The following MTIF2 variants were observed in gnomAD, a reference collection of about 807,000 sequenced individuals.
The protein encoded by MTIF2 is mitochondrial translational initiation factor 2.
MTIF2 carries 71 observed loss-of-function variants against 83.5 expected under a neutral mutation model. That is an observed-to-expected ratio of 0.85 (90% CI 0.70 to 1.04). The LOEUF (loss-of-function observed/expected upper bound fraction) is 1.04, where lower values mean the gene tolerates loss of function less well. MTIF2 is among the 50% of genes least tolerant of loss of function. The pLI is 0.00. For missense variants in MTIF2, 957 were observed against 846.5 expected (o/e 1.13, Z -1.62); for synonymous variants, 319 against 287.1 (o/e 1.11, Z -1.12).
rs746793955 is a variant in MTIF2 at position 55,240,145 on chromosome 2, C to A, written c.1736G>T (p.Gly579Val). 2 of 1,613,608 alleles carry A rather than the reference C, an allele frequency of 1.2e-6. No individual in the cohort carries two copies. The highest frequency in any genetic ancestry group is 1.7e-6 in the Non-Finnish European group (2 of 1,179,738). ...TGCAGCTGACTGTTGGATAACATTGCCTGCATTCACATTAAAGCCATATAT... is the reference window on the plus strand; with the variant it reads ...TGCAGCTGACTGTTGGATAACATTGACTGCATTCACATTAAAGCCATATAT... ...GVIYGFNVNA[G>V]NVIQQSAAKK... The change falls in exon 14 of 16, where the codon GGC becomes GTC. Residue 579 changes from glycine (G) to valine (V), a missense_variant. By Grantham distance (109) the Gly-to-Val change is moderately radical. Transcript: ENST00000263629.
chr2:55,260,184 G>A (rs1006288404), intron 5 of MTIF2, among the ~76,000 whole-genome samples: 1 of 152,088 alleles, frequency 6.6e-6, no homozygotes, highest in African/African-American at 2.4e-5. Context: ...CGGATCACCT[G>A]AGGTCGGGAG....
intron 9 of MTIF2, among the ~76,000 whole-genome samples, chr2:55,248,980 T>C (rs1274991186): frequency 6.6e-6 from 1 of 152,068 alleles, no homozygotes; most frequent in Non-Finnish European, 1.5e-5. Context: ...TACAAAAAAA[T>C]TTAAAAATTA....
intron 10 of MTIF2, among the ~76,000 whole-genome samples, chr2:55,245,130 C>G (rs1331409940): frequency 5.3e-5 from 8 of 152,060 alleles, no homozygotes; most frequent in Non-Finnish European, 1.2e-4. Flanking sequence ...ATGAATGAAA[C>G]TCTAGAACAT....
At chr2:55,264,263 C>T (rs908009493) in intron 3 of MTIF2, among the ~76,000 whole-genome samples, 5 of 152,172 alleles carry the variant, frequency 3.3e-5, no homozygotes, top group African/African-American at 1.2e-4. Context: ...CTCACTCTAT[C>T]ATCCAGGCTG....
chr2:55,237,649 C>CTTTTTTTTT (rs536036933), intron 14 of MTIF2, among the ~76,000 whole-genome samples: 2,260 of 112,630 alleles, frequency 0.02, 3 homozygotes, highest in Middle Eastern at 0.032. Flanking sequence ...TTCTTTTTTT[C>CTTTTTTTTT]TTTTTTTTTT....
chr2:55,244,803 T>A (rs1676576902), intron 10 of MTIF2, among the ~76,000 whole-genome samples: 2 of 151,804 alleles, frequency 1.3e-5, no homozygotes. Context: ...TCCCAGTACT[T>A]TGGGAGGCCG....
intron 15 of MTIF2, among the ~76,000 whole-genome samples, 195 bp downstream of exon 15, chr2:55,237,093 G>C (rs1434228018): frequency 6.6e-6 from 1 of 152,150 alleles, no homozygotes; most frequent in Non-Finnish European, 1.5e-5. Context: ...CTCAGGACTT[G>C]AATGGGTAAA....
chr2:55,262,510 C>T lies in MTIF2; in HGVS notation c.220-83G>A. On this transcript the variant is annotated intron_variant, in intron 4 of 15. Coordinates refer to ENST00000263629, the MANE Select transcript of MTIF2 (RefSeq NM_002453.3). ...TAGATTTATTCTCAAATATCTACCA[C>T]AATCATAGCTACATTTCTTTCTTTT... The T allele has an allele frequency of 1.7e-5, 12 of 708,416 alleles. No individual in the cohort carries two copies. The South Asian group carries it at 2.1e-4, about 12-fold the overall frequency. The allele number at this position is 708,416 out of a possible 1,614,324, so 43.9% of individuals were successfully genotyped here. A position where few individuals can be genotyped will look rare whatever the true frequency, so the allele number is the denominator to read the frequency against.
intron 5 of MTIF2, 32 bp from the exon 6 acceptor site, chr2:55,254,857 C>A: frequency 7.3e-7 from 1 of 1,371,524 alleles, no homozygotes; most frequent in South Asian, 1.6e-5. Context: ...CTTTTAGGAT[C>A]ATTAATTAAA....
intron 6 of MTIF2, 115 bp from the exon 7 acceptor site, chr2:55,254,316 A>T: frequency 2.5e-6 from 3 of 1,180,550 alleles, no homozygotes; most frequent in Non-Finnish European, 3.5e-6. Context: ...CCCAATATTC[A>T]GTGTGGATTA....
In MTIF2 at chr2:55,236,609, C is replaced by A; in HGVS notation, c.*39G>T. Reference sequence around the variant, plus strand: ...GTAGTAGTGCATTTCTACCTTCAAACAAACAACACGTTGAGTTATTTACAT... The same window carrying A: ...GTAGTAGTGCATTTCTACCTTCAAAAAAACAACACGTTGAGTTATTTACAT... On this transcript the variant is annotated 3_prime_UTR_variant, in exon 16 of 16. Coordinates refer to ENST00000263629, the MANE Select transcript of MTIF2 (RefSeq NM_002453.3). 1 of 1,525,984 alleles carries A rather than the reference C, an allele frequency of 6.6e-7. No individual in the cohort carries two copies. 94.5% of individuals were successfully genotyped at this position (1,525,984 alleles called of 1,614,324 possible). A position where few individuals can be genotyped will look rare whatever the true frequency, so the allele number is the denominator to read the frequency against.
In MTIF2 at chr2:55,263,872, A is replaced by T; in HGVS notation, c.-7-7T>A. The T allele has an allele frequency of 7.1e-7, 1 of 1,400,784 alleles. No homozygotes were observed. The highest frequency in any genetic ancestry group is 1.5e-5 in the African/African-American group (1 of 67,658). The allele number at this position is 1,400,784 out of a possible 1,614,324, so 86.8% of individuals were successfully genotyped here. ...CTTCTGGTTCATGTTTCTCCTGGGG[A>T]AAAAAAAAAGGTTTTAAAATAATAT... On this transcript the variant is annotated splice_region_variant and splice_polypyrimidine_tract_variant and intron_variant, in intron 3 of 15. Coordinates refer to ENST00000263629, the MANE Select transcript of MTIF2 (RefSeq NM_002453.3).
intron 5 of MTIF2, among the ~76,000 whole-genome samples, chr2:55,256,649 C>T (rs373470119): frequency 2.0e-5 from 3 of 150,716 alleles, no homozygotes; most frequent in East Asian, 2.0e-4. Flanking sequence ...TGAAGTAAGC[C>T]GAGATCACGC....
chr2:55,243,421 A>G lies in MTIF2; in HGVS notation c.1559T>C (p.Ile520Thr), dbSNP rs747417399. 1.9e-6 allele frequency: 3 copies of G among 1,599,756 alleles called. No homozygotes were observed. The South Asian group carries it at 3.4e-5, about 18-fold the overall frequency. The change falls in exon 12 of 16, where the codon ATT becomes ACT. Residue 520 changes from isoleucine (I) to threonine (T), a missense_variant. By Grantham distance (89) the Ile-to-Thr change is moderately conservative. Around this residue, in one of 3 missense-constraint regions of MTIF2, gnomAD observed 733 missense variants for 648.7 expected, o/e 1.13. Coordinates refer to ENST00000263629, the MANE Select transcript of MTIF2 (RefSeq NM_002453.3). ...ERDSNVLSVI[I>T]KGDVDGSVEA... ...TAAAATCTTTAAAAAGATACCTTTA[A>G]TAATCACAGAAAGTACATTTGAATC...
rs759814747 is a variant in MTIF2 at position 55,246,349 on chromosome 2, T to C, written c.1094A>G (p.Asp365Gly). 1.9e-6 allele frequency: 3 copies of C among 1,613,496 alleles called. No homozygotes were observed. Among genetic ancestry groups the C allele is most frequent in the Non-Finnish European group, 2.5e-6 (3 of 1,179,732 alleles). ...TTAAGAGTCCTACCCTCTTCCTTTG[T>C]CTGTGAAAGACTCTATTACTGTTCC... The part of the protein sequence containing the change: ...VEGTVIESFT[D>G]KGRGLVTTAI... The change falls in exon 10 of 16, where the codon GAC becomes GGC. Residue 365 changes from aspartate to glycine, a missense_variant. Asp to Gly is a moderately conservative substitution (Grantham distance 94). This residue lies in a region of MTIF2 where 733 missense variants were observed against 648.7 expected (regional missense o/e 1.13). Coordinates refer to ENST00000263629, the MANE Select transcript of MTIF2 (RefSeq NM_002453.3).
At chr2:55,260,476 G>T (rs1191241503) in intron 5 of MTIF2, among the ~76,000 whole-genome samples, 1 of 150,788 alleles carries the variant, frequency 6.6e-6, no homozygotes, top group Non-Finnish European at 1.5e-5. Context: ...TGCACAAAAA[G>T]TAGTAACACT....
chr2:55,240,509 G>A (rs1573852672), intron 13 of MTIF2, among the ~76,000 whole-genome samples: 3 of 152,206 alleles, frequency 2.0e-5, no homozygotes, highest in African/African-American at 7.2e-5. Context: ...AACCCGGGAG[G>A]CGGAGGTTGC....
intron 7 of MTIF2, 28 bp downstream of exon 7, chr2:55,254,013 C>A (rs1369654821): frequency 6.2e-7 from 1 of 1,609,324 alleles, no homozygotes; most frequent in Non-Finnish European, 8.5e-7. Flanking sequence ...GGTTCCCAAG[C>A]ACATTGTAAG....
chr2:55,241,145 C>T (rs1174510502), intron 13 of MTIF2, among the ~76,000 whole-genome samples: 3 of 150,466 alleles, frequency 2.0e-5, no homozygotes, highest in African/African-American at 4.9e-5. Context: ...TGGACGGGCA[C>T]GGTGGCTCAC....
Sources: allele counts gnomAD v4.1 joint callset (sites outside exome capture counted in the v4.1 genomes callset), GRCh38; gene constraint gnomAD v4.1.1; regional missense constraint gnomAD v4.1.1; transcripts MANE v1.5; gene names NCBI Gene and HGNC (gene_info 2026-07-23, HGNC 2026-07-21).